SOX5: variants seen among roughly 807,000 people sequenced by gnomAD.
SOX5 encodes transcription factor SOX-5.
A neutral mutation model predicts 92.0 loss-of-function variants in SOX5; 9 were observed. The ratio of observed to expected loss-of-function variants is 0.10; its 90% confidence interval spans 0.06 to 0.17. SOX5 has a LOEUF of 0.17. SOX5 is among the 10% of genes least tolerant of loss of function. The pLI is 1.00. For synonymous variants in SOX5, 344 were observed against 336.3 expected (o/e 1.02, Z -0.25); for missense variants, 642 against 944.5 (o/e 0.68, Z 4.20).
chr12:24,111,249 G>C (rs189035657), intron 4 of SOX5, among the ~76,000 whole-genome samples: 1 of 152,220 alleles, frequency 6.6e-6, no homozygotes, highest in Admixed American at 6.5e-5. Flanking sequence ...ATCTGGAAAA[G>C]GCTTCAGGGA....
At chr12:23,824,380 T>C (rs896938143) in intron 3 of SOX5, among the ~76,000 whole-genome samples, 3 of 152,216 alleles carry the variant, frequency 2.0e-5, no homozygotes, top group African/African-American at 7.2e-5. Context: ...AGACCTCTCT[T>C]CTGCAGGTCT....
chr12:23,980,988 T>C (rs1949521539), intron 4 of SOX5, among the ~76,000 whole-genome samples: 1 of 152,206 alleles, frequency 6.6e-6, no homozygotes, highest in Non-Finnish European at 1.5e-5. Context: ...TAGAGTGTCA[T>C]GGCCAAAACA....
At chr12:24,244,089 C>G (rs1487816769) in intron 3 of SOX5, among the ~76,000 whole-genome samples, 2 of 149,730 alleles carry the variant, frequency 1.3e-5, no homozygotes, top group Admixed American at 1.3e-4. Context: ...CATTTTACAC[C>G]AAATCATAAT....
chr12:23,930,753 C>G (rs921074714), intron 1 of SOX5, among the ~76,000 whole-genome samples: 22 of 151,718 alleles, frequency 1.5e-4, no homozygotes, highest in African/African-American at 5.3e-4. Context: ...CCCAAGGGAA[C>G]TCGTCTTGCA....
intron 1 of SOX5, among the ~76,000 whole-genome samples, chr12:24,371,657 A>G (rs1204729699): frequency 6.6e-6 from 1 of 152,242 alleles, no homozygotes; most frequent in African/African-American, 2.4e-5. Context: ...CCCACTCTGA[A>G]TAACGAATAC....
chr12:23,785,666 A>G (rs2095364651), intron 3 of SOX5, among the ~76,000 whole-genome samples: 1 of 152,128 alleles, frequency 6.6e-6, no homozygotes, highest in Non-Finnish European at 1.5e-5. Flanking sequence ...ATAATGTTGA[A>G]TAATGCTATG....
At chr12:23,578,916 T>A (rs1312484836) in intron 9 of SOX5, among the ~76,000 whole-genome samples, 1 of 151,210 alleles carries the variant, frequency 6.6e-6, no homozygotes, top group Non-Finnish European at 1.5e-5. Context: ...TTTACTTGAA[T>A]GTGAAGAGAA....
chr12:24,515,464 T>C (rs537808133), intron 1 of SOX5, among the ~76,000 whole-genome samples: 12 of 152,338 alleles, frequency 7.9e-5, no homozygotes, highest in Non-Finnish European at 1.3e-4. Context: ...TTGCCAGATG[T>C]AACAGAAGAT....
intron 1 of SOX5, among the ~76,000 whole-genome samples, chr12:23,932,679 A>T (rs971828702): frequency 5.9e-5 from 9 of 151,552 alleles, no homozygotes; most frequent in African/African-American, 2.2e-4. Flanking sequence ...TTTTTTTTGA[A>T]ATAAAAAAGG....
chr12:23,878,651 T>C (rs1372222327), intron 2 of SOX5, among the ~76,000 whole-genome samples: 3 of 152,128 alleles, frequency 2.0e-5, no homozygotes, highest in Non-Finnish European at 1.5e-5. Flanking sequence ...AATATTAATC[T>C]TTTAAAAAGA....
intron 1 of SOX5, among the ~76,000 whole-genome samples, chr12:24,389,880 G>T (rs572126456): frequency 4.6e-5 from 7 of 152,244 alleles, no homozygotes; most frequent in Admixed American, 1.3e-4. Flanking sequence ...TCATCACCAA[G>T]ACTTGTTATT....
chr12:24,276,880 G>A (rs1944491625), intron 3 of SOX5, among the ~76,000 whole-genome samples: 1 of 151,982 alleles, frequency 6.6e-6, no homozygotes, highest in South Asian at 2.1e-4. Flanking sequence ...CAACAAAAAA[G>A]TAGCAACAAA....
At chr12:24,418,601 G>A (rs1347956917) in intron 1 of SOX5, among the ~76,000 whole-genome samples, 1 of 152,174 alleles carries the variant, frequency 6.6e-6, no homozygotes, top group Non-Finnish European at 1.5e-5. Flanking sequence ...GATATACAGA[G>A]GAGAACAGAA....
intron 2 of SOX5, among the ~76,000 whole-genome samples, chr12:24,317,013 C>T (rs886540587): frequency 1.3e-5 from 2 of 152,100 alleles, no homozygotes; most frequent in African/African-American, 4.8e-5. Context: ...CAGGGAGCAA[C>T]TAAACTGTTG....
chr12:23,575,969 G>A, intron 9 of SOX5, 131 bp from the exon 10 acceptor site: 1 of 628,738 alleles, frequency 1.6e-6, no homozygotes, highest in Non-Finnish European at 2.7e-6. Context: ...CATTCATTCT[G>A]AACATTACAG....
At chr12:24,058,788 A>C (rs1939091065) in intron 4 of SOX5, among the ~76,000 whole-genome samples, 1 of 140,920 alleles carries the variant, frequency 7.1e-6, no homozygotes, top group Non-Finnish European at 1.6e-5. Context: ...TAAGCCTGTT[A>C]GTAAGTATAT....
chr12:23,917,649 C>CT (rs1338748036), intron 1 of SOX5, among the ~76,000 whole-genome samples: 1 of 152,148 alleles, frequency 6.6e-6, no homozygotes, highest in African/African-American at 2.4e-5. Context: ...CTCCACAACA[C>CT]TTTAAGTATC....
At chr12:23,605,703 C>A (rs1213310010) in intron 8 of SOX5, among the ~76,000 whole-genome samples, 1 of 151,770 alleles carries the variant, frequency 6.6e-6, no homozygotes, top group African/African-American at 2.4e-5. Context: ...AGCCACAGAT[C>A]CTGATTAGCA....
At chr12:23,777,126 T>A (rs531024429) in intron 3 of SOX5, among the ~76,000 whole-genome samples, 8 of 152,264 alleles carry the variant, frequency 5.3e-5, no homozygotes, top group African/African-American at 1.4e-4. Context: ...AATAAATGAG[T>A]ATATGAATAT....
Sources: gnomAD v4.1 joint callset for allele counts (sites outside exome capture counted in the v4.1 genomes callset) on GRCh38, gnomAD v4.1.1 for gene constraint, MANE v1.5 for transcripts, NCBI Gene and HGNC (gene_info 2026-07-23, HGNC 2026-07-21) for gene names.